DENND2A: variants seen among roughly 807,000 people sequenced by gnomAD.
DENND2A encodes DENN domain containing 2A.
Under a neutral mutation model 105.3 loss-of-function variants are expected in DENND2A, and 53 were observed. That is an observed-to-expected ratio of 0.50 (90% CI 0.40 to 0.63). The LOEUF (loss-of-function observed/expected upper bound fraction) is 0.63. DENND2A is among the 30% of genes least tolerant of loss of function. The pLI, the probability that DENND2A is intolerant of heterozygous loss-of-function variation, is 0.00. For synonymous variants in DENND2A, 522 were observed against 508.4 expected (o/e 1.03, Z -0.36); for missense variants, 1,138 against 1,279.6 (o/e 0.89, Z 1.69).
At chr7:140,574,759 A>C (rs942091505) in intron 5 of DENND2A, among the ~76,000 whole-genome samples, 2 of 152,142 alleles carry the variant, frequency 1.3e-5, no homozygotes, top group Non-Finnish European at 2.9e-5. Flanking sequence ...GTGGTTGCTC[A>C]TGCCATAATC....
chr7:140,609,428 G>A lies in DENND2A; in HGVS notation c.-247-3622C>T, dbSNP rs12667646. ...CTCGGGAGGCTGAGGCAGAAGAATC[G>A]CTTGAACCCAGGAGGCGGAAGTTGC... is the stretch of plus-strand genomic sequence containing the variant. On this transcript the variant is annotated intron_variant, in intron 1 of 19. Transcript: ENST00000496613. Among the ~76,000 whole-genome samples the A allele has an allele frequency of 2.5e-4, 38 of 152,244 alleles. No homozygotes were observed. The East Asian group carries it at 6.6e-3, about 26-fold the overall frequency.
intron 14 of DENND2A, 141 bp downstream of exon 14, chr7:140,544,477 G>C (rs1322581787): frequency 1.8e-6 from 2 of 1,089,314 alleles, no homozygotes; most frequent in Non-Finnish European, 2.7e-6. Context: ...TTACAGGTGT[G>C]AGTCACCGCG....
intron 1 of DENND2A, among the ~76,000 whole-genome samples, chr7:140,608,912 GCCAA>G (rs1378815600): frequency 6.6e-6 from 1 of 152,114 alleles, no homozygotes; most frequent in African/African-American, 2.4e-5. Flanking sequence ...ACGTACCAAA[GCCAA>G]CAGTCTGAGG....
At chr7:140,591,706 CTTCT>C (rs1020776043) in intron 3 of DENND2A, among the ~76,000 whole-genome samples, 19 of 101,768 alleles carry the variant, frequency 1.9e-4, no homozygotes, top group Non-Finnish European at 3.3e-4. Flanking sequence ...TCCTTCCTTC[CTTCT>C]TTCTCTCTCT....
At chr7:140,558,722 G>T (rs1416569187) in intron 10 of DENND2A, among the ~76,000 whole-genome samples, 2 of 147,638 alleles carry the variant, frequency 1.4e-5, no homozygotes, top group African/African-American at 5.0e-5. Context: ...AAAAAAGTCA[G>T]TGAGACTGAG....
At chr7:140,567,330 G>T (rs1585650973) in intron 8 of DENND2A, 57 bp from the exon 9 acceptor site, 1 of 1,412,518 alleles carries the variant, frequency 7.1e-7, no homozygotes, top group South Asian at 1.4e-5. Context: ...GAGAGAGAGA[G>T]AGAGAGAGAG....
Position 140,525,764 on chromosome 7 carries a change from C to T in DENND2A, c.2534G>A (p.Arg845Gln), listed in dbSNP as rs749243995. The change falls in exon 16 of 20, where the codon CGG (arginine) becomes CAG (glutamine). Residue 845 changes from arginine to glutamine, a missense_variant. Physicochemically the swap from Arg to Gln is conservative, Grantham distance 43. Coordinates refer to ENST00000496613, the MANE Select transcript of DENND2A (RefSeq NM_015689.5). The stretch of plus-strand genomic sequence containing the variant: ...GGCCTCACTCACCTGTCTGAGGAAC[C>T]GGCTGTTGACGAGGTCAACCACAAG... ...EVLVVDLVNS[R>Q]FLRQMDDEDS... 1.6e-5 allele frequency: 26 copies of T among 1,605,820 alleles called. No individual in the cohort carries two copies. The highest frequency in any genetic ancestry group is 4.0e-5 in the African/African-American group (3 of 74,618).
chr7:140,567,336 GAGAGAGAGAC>G (rs1797891644), intron 8 of DENND2A, 63 bp from the exon 9 acceptor site: 1 of 1,322,642 alleles, frequency 7.6e-7, no homozygotes, highest in East Asian at 2.5e-5. Flanking sequence ...GAGAGAGAGA[GAGAGAGAGAC>G]AGAGTGAGCA....
intron 1 of DENND2A, among the ~76,000 whole-genome samples, chr7:140,636,558 A>G (rs1195946796): frequency 2.0e-5 from 3 of 152,106 alleles, no homozygotes; most frequent in Non-Finnish European, 4.4e-5. Context: ...GGCTCTCTAT[A>G]CGTGACTGCT....
chr7:140,599,895 T>G (rs1286463048), intron 3 of DENND2A, among the ~76,000 whole-genome samples: 1 of 152,058 alleles, frequency 6.6e-6, no homozygotes, highest in Non-Finnish European at 1.5e-5. Context: ...ATAGTTTATA[T>G]TTTTAGAAGA....
chr7:140,620,425 G>A (rs1800244204), intron 1 of DENND2A, among the ~76,000 whole-genome samples: 1 of 151,802 alleles, frequency 6.6e-6, no homozygotes, highest in Admixed American at 6.6e-5. Flanking sequence ...ATTTAATGAG[G>A]GAGTAACAGT....
At chr7:140,634,025 G>C (rs1374146434) in intron 1 of DENND2A, among the ~76,000 whole-genome samples, 1 of 148,408 alleles carries the variant, frequency 6.7e-6, no homozygotes, top group East Asian at 2.0e-4. Flanking sequence ...CCGAGACAGA[G>C]TCTCGCTCTG....
At chr7:140,532,196 G>C (rs1186184069) in intron 14 of DENND2A, among the ~76,000 whole-genome samples, 1 of 152,180 alleles carries the variant, frequency 6.6e-6, no homozygotes, top group African/African-American at 2.4e-5. Flanking sequence ...TTGAATCCGA[G>C]AGGCAGAAGT....
rs190320727 is a variant in DENND2A at position 140,522,120 on chromosome 7, G to C, written c.2666-20C>G. 6.2e-7 allele frequency: 1 copy of C among 1,613,218 alleles called. No individual in the cohort carries two copies. The highest frequency in any genetic ancestry group is 1.7e-5 in the Admixed American group (1 of 59,992). ...CTGGACCTGAGTAAGGGGAGGAAAG[G>C]CCAGGAACGGTGAGGGCAGACAGGC... is the stretch of plus-strand genomic sequence containing the variant. On this transcript the variant is annotated intron_variant, in intron 17 of 19. Transcript: ENST00000496613.
At position 140,523,485 on chromosome 7, in the gene DENND2A, C is replaced by T; in HGVS notation, c.2548-61G>A. The T allele has an allele frequency of 6.9e-7, 1 of 1,441,660 alleles. No homozygotes were observed. The highest frequency in any genetic ancestry group is 9.7e-7 in the Non-Finnish European group (1 of 1,027,890). The allele number at this position is 1,441,660 out of a possible 1,614,324, so 89.3% of individuals were successfully genotyped here. A position where few individuals can be genotyped will look rare whatever the true frequency, so the allele number is the denominator to read the frequency against. On this transcript the variant is annotated intron_variant, in intron 16 of 19. Coordinates refer to ENST00000496613, the MANE Select transcript of DENND2A (RefSeq NM_015689.5). This position sits in a 1 kb window ranked among gnomAD's most constrained non-coding sequence, Gnocchi z 4.5. The stretch of plus-strand genomic sequence containing the variant: ...CGGTGGCTGCGTCTTGGCCATAGGA[C>T]ACACTGGAGCCACTGCAGGGCAGGC...
intron 14 of DENND2A, among the ~76,000 whole-genome samples, chr7:140,541,600 C>G (rs1448506118): frequency 6.6e-6 from 1 of 152,212 alleles, no homozygotes; most frequent in Non-Finnish European, 1.5e-5. Context: ...GAAATCCGAT[C>G]CTGGCCACTG....
At chr7:140,539,751 C>T (rs10952730) in intron 14 of DENND2A, among the ~76,000 whole-genome samples, 3 of 152,256 alleles carry the variant, frequency 2.0e-5, no homozygotes, top group East Asian at 1.9e-4. Flanking sequence ...CACGCCCCGT[C>T]GCTGCCGTCA....
rs752324657 is a variant in DENND2A, at chr7:140,522,091, G to T, written c.2675C>A (p.Ser892Tyr). 4.1e-5 allele frequency: 66 copies of T among 1,614,006 alleles called. No individual in the cohort carries two copies. The South Asian group carries it at 6.3e-4, about 15-fold the overall frequency. The change falls in exon 18 of 20, where the codon TCC (serine) becomes TAC (tyrosine). Residue 892 changes from serine (S) to tyrosine (Y), a missense_variant. Around this residue, in one of 2 missense-constraint regions of DENND2A, gnomAD observed 627 missense variants for 779.8 expected, o/e 0.80. Transcript: ENST00000496613. The stretch of plus-strand genomic sequence containing the variant: ...AGACACCACCTCGTTCAAGGGGCTG[G>T]ACTCTGGACCTGAGTAAGGGGAGGA... ...GPLDGRHGPE[S>Y]SPLNEVVSEA...
chr7:140,603,587 T>C (rs1350462955), intron 2 of DENND2A, among the ~76,000 whole-genome samples: 2 of 152,208 alleles, frequency 1.3e-5, no homozygotes, highest in Non-Finnish European at 2.9e-5. Context: ...TTTTGGCCTG[T>C]TGTAGCCAAG....
Sources: allele counts gnomAD v4.1 joint callset (sites outside exome capture counted in the v4.1 genomes callset), GRCh38; gene constraint gnomAD v4.1.1; regional missense constraint gnomAD v4.1.1; non-coding constraint Gnocchi (gnomAD v3.1); transcripts MANE v1.5; gene names NCBI Gene and HGNC (gene_info 2026-07-23, HGNC 2026-07-21).